WWOX: variants seen among roughly 807,000 people sequenced by gnomAD.
WWOX encodes WW domain containing oxidoreductase.
WWOX carries 69 observed loss-of-function variants against 46.2 expected under a neutral mutation model. The ratio of observed to expected loss-of-function variants is 1.49; its 90% CI spans 1.23 to 1.82. The LOEUF (loss-of-function observed/expected upper bound fraction) is 1.82. Among genes scored for constraint, WWOX ranks in the 40% most tolerant of loss-of-function variants. The pLI, the probability that WWOX is intolerant of heterozygous loss-of-function variation, is 0.00. For synonymous variants in WWOX, 359 were observed against 202.6 expected, an observed-to-expected ratio of 1.77 and a Z score of -6.56; for missense variants, 919 against 542.6, an observed-to-expected ratio of 1.69 and a Z score of -6.89.
chr16:78,992,167 C>G (rs1361528805), intron 8 of WWOX, among the ~76,000 whole-genome samples: 2 of 152,154 alleles, frequency 1.3e-5, no homozygotes, highest in Non-Finnish European at 2.9e-5. Context: ...GTAAAGAAGC[C>G]TGCTTGGGAC....
At chr16:78,713,048 C>T (rs11645755) in intron 8 of WWOX, among the ~76,000 whole-genome samples, 97,782 of 151,532 alleles carry the variant, frequency 0.65, 33,257 homozygotes, top group African/African-American at 0.88. Flanking sequence ...GGGAGGAGAA[C>T]TGCTTGAGCC....
intron 8 of WWOX, among the ~76,000 whole-genome samples, chr16:79,047,283 G>T (rs970102402): frequency 2.0e-5 from 3 of 152,190 alleles, no homozygotes; most frequent in African/African-American, 7.2e-5. Flanking sequence ...TGTGTGAGAA[G>T]CAAGTCTTAA....
chr16:78,488,949 A>G (rs1488793048), intron 8 of WWOX, among the ~76,000 whole-genome samples: 1 of 152,212 alleles, frequency 6.6e-6, no homozygotes, highest in Non-Finnish European at 1.5e-5. Context: ...TGATAATGGC[A>G]CTAGGCTGCC....
At chr16:78,810,831 G>C (rs925620983) in intron 8 of WWOX, among the ~76,000 whole-genome samples, 3 of 152,132 alleles carry the variant, frequency 2.0e-5, no homozygotes, top group Non-Finnish European at 4.4e-5. Context: ...AAAGACAAAT[G>C]ACAGCGCAAG....
chr16:78,225,927 T>C (rs1257268574), intron 5 of WWOX, among the ~76,000 whole-genome samples: 1 of 152,232 alleles, frequency 6.6e-6, no homozygotes, highest in South Asian at 2.1e-4. Flanking sequence ...GTGCATTGTC[T>C]GTTTTCACTC....
rs138539973 is a variant in WWOX, at chr16:79,127,718, A to G, written c.1057-83890A>G. On this transcript the variant is annotated intron_variant, in intron 8 of 8. Transcript: ENST00000566780. Reference sequence around the variant, plus strand: ...CCCTCTACGGAGGTTGTTCTGATTTACATTCCCACTAAGCAACATACGACA... The same window carrying G: ...CCCTCTACGGAGGTTGTTCTGATTTGCATTCCCACTAAGCAACATACGACA... 5.4e-3 allele frequency among the ~76,000 whole-genome samples: 823 copies of G among 152,256 alleles called. 6 individuals carry two copies. Among genetic ancestry groups the G allele is most frequent in the African/African-American group, 0.019 (779 of 41,578 alleles).
chr16:78,631,574 T>C (rs1344338279), intron 8 of WWOX, among the ~76,000 whole-genome samples: 1 of 150,986 alleles, frequency 6.6e-6, no homozygotes, highest in Non-Finnish European at 1.5e-5. Context: ...GGTCTGGCTC[T>C]GTCACCCAGG....
In WWOX at chr16:78,481,724, A is replaced by AGTGTGTGTGTGTGTGTGT. The variant is rs67780639; in HGVS notation, c.1056+48996_1056+49013dup. 6.1e-3 allele frequency among the ~76,000 whole-genome samples: 835 copies of AGTGTGTGTGTGTGTGTGT among 137,006 alleles called. 4 individuals carry two copies. Among genetic ancestry groups the AGTGTGTGTGTGTGTGTGT allele is most frequent in the Non-Finnish European group, 8.9e-3 (566 of 63,594 alleles). The allele number at this position is 137,006 out of a possible 152,430, so 89.9% of individuals were successfully genotyped here. On this transcript the variant is annotated intron_variant, in intron 8 of 8. Coordinates refer to ENST00000566780, the MANE Select transcript of WWOX (RefSeq NM_016373.4). ...TATGACTTTTGCTCAGGGCAAGGGA[A>AGTGTGTGTGTGTGTGTGT]GTGTGTGTGTGTGTGTGTGTGTGTG...
At chr16:78,210,197 A>C (rs1397518546) in intron 5 of WWOX, among the ~76,000 whole-genome samples, 2 of 152,212 alleles carry the variant, frequency 1.3e-5, no homozygotes, top group East Asian at 1.9e-4. Context: ...AAGTACATCT[A>C]TTCTAGCATT....
intron 1 of WWOX, among the ~76,000 whole-genome samples, chr16:78,108,219 C>T (rs1445863258): frequency 6.6e-6 from 1 of 150,684 alleles, no homozygotes; most frequent in Non-Finnish European, 1.5e-5. Flanking sequence ...AGCCACCGCT[C>T]CCGACGGCCT....
At position 79,098,510 on chromosome 16, in the gene WWOX, G is replaced by A. The variant is rs188062917; in HGVS notation, c.1057-113098G>A. On this transcript the variant is annotated intron_variant, in intron 8 of 8. Transcript: ENST00000566780. Reference sequence around the variant, plus strand: ...TGGAATCTTCTTCACCCCTTCCCTGGTACTGATGGTTGCATTTCAATGGAT... The same window carrying A: ...TGGAATCTTCTTCACCCCTTCCCTGATACTGATGGTTGCATTTCAATGGAT... Among the ~76,000 whole-genome samples, 35 of 152,334 alleles carry A rather than the reference G, an allele frequency of 2.3e-4. No homozygotes were observed. The East Asian group carries it at 5.8e-3, about 25-fold the overall frequency.
intron 8 of WWOX, among the ~76,000 whole-genome samples, chr16:78,694,906 G>C (rs375224049): frequency 6.6e-6 from 1 of 151,886 alleles, no homozygotes; most frequent in African/African-American, 2.4e-5. Context: ...AAACCTTGAG[G>C]TAGGTCCTTC....
chr16:78,192,323 C>T (rs140151525), intron 5 of WWOX, among the ~76,000 whole-genome samples: 356 of 151,978 alleles, frequency 2.3e-3, no homozygotes, highest in Middle Eastern at 0.01. Context: ...GGCAAAACTC[C>T]GTCTCTACTA....
At chr16:78,144,026 G>A (rs868079535) in intron 4 of WWOX, among the ~76,000 whole-genome samples, 4 of 152,008 alleles carry the variant, frequency 2.6e-5, no homozygotes, top group African/African-American at 9.7e-5. Flanking sequence ...TGACAAGTGT[G>A]TACACACACA....
intron 8 of WWOX, among the ~76,000 whole-genome samples, chr16:78,613,209 C>G (rs2045940994): frequency 6.6e-6 from 1 of 152,194 alleles, no homozygotes; most frequent in Non-Finnish European, 1.5e-5. Flanking sequence ...ACATGAACGT[C>G]TATGCCCAGG....
intron 8 of WWOX, among the ~76,000 whole-genome samples, chr16:78,707,324 C>T (rs372956937): frequency 4.0e-4 from 61 of 152,260 alleles, no homozygotes; most frequent in African/African-American, 1.4e-3. Context: ...AATTGTGTAA[C>T]CACTAAATAT....
Position 78,886,228 on chromosome 16 carries a change from CT to C in WWOX, c.1057-325368del, listed in dbSNP as rs34466755. Among the ~76,000 whole-genome samples the C allele has an allele frequency of 5.4e-3, 767 of 142,946 alleles. 9 individuals carry two copies. Among genetic ancestry groups the C allele is most frequent in the African/African-American group, 0.018 (698 of 38,814 alleles). The allele number at this position is 142,946 out of a possible 152,430, so 93.8% of individuals were successfully genotyped here. A position where few individuals can be genotyped will look rare whatever the true frequency, so the allele number is the denominator to read the frequency against. On this transcript the variant is annotated intron_variant, in intron 8 of 8. Transcript: ENST00000566780. ...GCATGAACCACTGCGCCTGACTGTA[CT>C]TTTTTTTTTTTAAAGTATACCCATA...
intron 8 of WWOX, among the ~76,000 whole-genome samples, chr16:78,812,318 A>G (rs1471911958): frequency 6.6e-6 from 1 of 152,154 alleles, no homozygotes; most frequent in Non-Finnish European, 1.5e-5. Flanking sequence ...TCTTGGTGCC[A>G]TTGGGTTTTG....
intron 8 of WWOX, among the ~76,000 whole-genome samples, chr16:78,760,109 G>A (rs1049361278): frequency 1.3e-5 from 2 of 152,140 alleles, no homozygotes; most frequent in African/African-American, 4.8e-5. Context: ...TGGACTCACA[G>A]TTCCATGTGG....
Sources: allele counts gnomAD v4.1 joint callset (sites outside exome capture counted in the v4.1 genomes callset), GRCh38; gene constraint gnomAD v4.1.1; transcripts MANE v1.5; gene names NCBI Gene and HGNC (gene_info 2026-07-23, HGNC 2026-07-21).